Variants in TRPM7 observed in about 807,000 individuals in gnomAD.
TRPM7 encodes LTRPC ion channel family member 7.
A neutral mutation model predicts 229.7 loss-of-function variants in TRPM7; 134 were observed. The observed-to-expected ratio is 0.58, with a 90% confidence interval of 0.51 to 0.67. The LOEUF (loss-of-function observed/expected upper bound fraction) is 0.67, where lower values mean the gene tolerates loss of function less well. TRPM7 is among the 30% of genes least tolerant of loss of function. The pLI is 0.00. For synonymous variants in TRPM7, 699 were observed against 715.2 expected, an observed-to-expected ratio of 0.98 and a Z score of 0.36; for missense variants, 1,901 against 2,210.0, an observed-to-expected ratio of 0.86 and a Z score of 2.80.
At chr15:50,681,208 G>A (rs2062233537) in intron 1 of TRPM7, among the ~76,000 whole-genome samples, 1 of 151,678 alleles carries the variant, frequency 6.6e-6, no homozygotes. Context: ...CCAAGATCAC[G>A]CCACTGCACT....
In TRPM7 at chr15:50,569,995, T is replaced by A; in HGVS notation, c.5361-2A>T. 1 of 1,602,902 alleles carries A rather than the reference T, an allele frequency of 6.2e-7. No homozygotes were observed. Among genetic ancestry groups the A allele is most frequent in the Non-Finnish European group, 8.5e-7 (1 of 1,175,634 alleles). ...GGGCCAAAAACCATATCACAGGATC[T>A]GTAGAATTGGTAATTTTAAAAAAAA... On this transcript the variant is annotated splice_acceptor_variant, in intron 37 of 38. Coordinates refer to ENST00000646667, the MANE Select transcript of TRPM7 (RefSeq NM_017672.6). LOFTEE classifies it high-confidence loss of function.
chr15:50,617,729 G>C (rs2060267684), intron 13 of TRPM7, among the ~76,000 whole-genome samples: 2 of 152,036 alleles, frequency 1.3e-5, no homozygotes, highest in Non-Finnish European at 2.9e-5. Context: ...GCTCACTGCA[G>C]CCTCAACTCC....
At position 50,611,169 on chromosome 15, in the gene TRPM7, G is replaced by A. The variant is rs1431230784; in HGVS notation, c.2204C>T (p.Ala735Val). 1.1e-5 allele frequency: 18 copies of A among 1,613,828 alleles called. No individual in the cohort carries two copies. The highest frequency in any genetic ancestry group is 1.4e-5 in the Non-Finnish European group (17 of 1,179,940). Residue 735 changes from alanine to valine, a missense_variant, in exon 17 of 39, where the codon GCT becomes GTT. By Grantham distance (64) the Ala-to-Val change is moderately conservative (BLOSUM62 0). Transcript: ENST00000646667. ...AVSSRLRPFV[A>V]HTCTQMLLSD... ...TAACAACATTTGTGTACAGGTGTGAGCTACAAAAGGTCTAAGTCTTGAAGA... is the reference window on the plus strand; with the variant it reads ...TAACAACATTTGTGTACAGGTGTGAACTACAAAAGGTCTAAGTCTTGAAGA...
intron 26 of TRPM7, 33 bp downstream of exon 26, chr15:50,591,878 A>G: frequency 7.2e-7 from 1 of 1,393,268 alleles, no homozygotes; most frequent in Non-Finnish European, 9.8e-7. Flanking sequence ...AGTAAATAAT[A>G]TTGATATACA....
At chr15:50,623,489 C>A (rs57090995) in intron 12 of TRPM7, among the ~76,000 whole-genome samples, 1 of 113,242 alleles carries the variant, frequency 8.8e-6, no homozygotes, top group Non-Finnish European at 2.0e-5. Flanking sequence ...GCTGCCCCGC[C>A]CCCTCCCCGC....
intron 38 of TRPM7, among the ~76,000 whole-genome samples, chr15:50,565,541 G>C (rs2053560861): frequency 6.6e-6 from 1 of 152,076 alleles, no homozygotes; most frequent in South Asian, 2.1e-4. Flanking sequence ...TCGCCAAGAA[G>C]ACATTAACAA....
intron 28 of TRPM7, among the ~76,000 whole-genome samples, chr15:50,583,593 T>TTTTA (rs2054536064): frequency 1.3e-5 from 2 of 151,678 alleles, no homozygotes; most frequent in African/African-American, 2.4e-5. Flanking sequence ...TTTTTTTTTT[T>TTTTA]GAGACAGAGT....
chr15:50,607,419 A>G (rs11636964), intron 19 of TRPM7, 91 bp from the exon 20 acceptor site: 421,935 of 1,076,326 alleles, frequency 0.39, 86,792 homozygotes, highest in Admixed American at 0.49. Flanking sequence ...AAAAACAGAC[A>G]TTAAATGAAC....
At chr15:50,613,973 G>A in intron 14 of TRPM7, 132 bp from the exon 15 acceptor site, 2 of 1,353,328 alleles carry the variant, frequency 1.5e-6, no homozygotes, top group East Asian at 4.7e-5. Context: ...TTAGGATTTT[G>A]ACGACATAAT....
At chr15:50,591,373 G>A (rs1014581038) in intron 26 of TRPM7, among the ~76,000 whole-genome samples, 2 of 152,090 alleles carry the variant, frequency 1.3e-5, no homozygotes, top group Non-Finnish European at 2.9e-5. Context: ...AAGAGTTGAT[G>A]AAACCCAATT....
chr15:50,678,098 G>A (rs771518634), intron 1 of TRPM7, among the ~76,000 whole-genome samples: 25 of 151,564 alleles, frequency 1.6e-4, no homozygotes, highest in Non-Finnish European at 3.1e-4. Context: ...AAAATCAGCC[G>A]GGCGTGGTGG....
intron 13 of TRPM7, among the ~76,000 whole-genome samples, chr15:50,614,633 C>A (rs932372684): frequency 4.1e-5 from 6 of 145,624 alleles, no homozygotes; most frequent in Non-Finnish European, 3.0e-5. Flanking sequence ...CCACTGCACT[C>A]CAGCCTGGGA....
chr15:50,618,735 T>G (rs1372217618), intron 13 of TRPM7, among the ~76,000 whole-genome samples: 1 of 152,118 alleles, frequency 6.6e-6, no homozygotes, highest in African/African-American at 2.4e-5. Flanking sequence ...CAGTGAATAG[T>G]GTACCCACAG....
rs59579538 is a variant in TRPM7, at chr15:50,650,192, CAAAAAAAAAAAAAAA to C, written c.123-1322_123-1308del. Reference sequence around the variant, plus strand: ...TGGGTGAAAGAGTGAGACTTTGTCTCAAAAAAAAAAAAAAAAAAAAAAAAAAAAAGAATAACTACT... The same window carrying C: ...TGGGTGAAAGAGTGAGACTTTGTCTCAAAAAAAAAAAAAAGAATAACTACT... On this transcript the variant is annotated intron_variant, in intron 3 of 38. Coordinates refer to ENST00000646667, the MANE Select transcript of TRPM7 (RefSeq NM_017672.6). Among the ~76,000 whole-genome samples, 19 of 62,292 alleles carry C rather than the reference CAAAAAAAAAAAAAAA, an allele frequency of 3.1e-4. 1 individual carries two copies. The highest frequency in any genetic ancestry group is 9.3e-4 in the African/African-American group (13 of 13,922). 40.9% of individuals were successfully genotyped at this position (62,292 alleles called of 152,430 possible).
chr15:50,649,037 A>G lies in TRPM7; in HGVS notation c.123-152T>C, dbSNP rs2140836390. 2 of 505,102 alleles carry G rather than the reference A, an allele frequency of 4.0e-6. 1 individual carries two copies. The highest frequency in any genetic ancestry group is 8.1e-5 in the South Asian group (2 of 24,840). The allele number at this position is 505,102 out of a possible 1,614,324, so 31.3% of individuals were successfully genotyped here. A position where few individuals can be genotyped will look rare whatever the true frequency, so the allele number is the denominator to read the frequency against. ...TAAGCTTTTTGATTTTAGGATATCT[A>G]TATATTAATACCTTCATCATAGCAC... On this transcript the variant is annotated intron_variant, in intron 3 of 38. Coordinates refer to ENST00000646667, the MANE Select transcript of TRPM7 (RefSeq NM_017672.6).
Position 50,594,440 on chromosome 15 carries a change from G to T in TRPM7, c.3464C>A (p.Ser1155Tyr). ...ICKRRKKDKTSDGPKLFLTEE... is the reference protein window; with the variant it reads ...ICKRRKKDKTYDGPKLFLTEE... Reference sequence around the variant, plus strand: ...TATAGTTTACTTACTTGGTCCATCGGAAGTCTTATCTTTCTTTCTTCTCTT... The same window carrying T: ...TATAGTTTACTTACTTGGTCCATCGTAAGTCTTATCTTTCTTTCTTCTCTT... The change falls in exon 24 of 39, where the codon TCC becomes TAC. Residue 1155 changes from serine (S) to tyrosine (Y), a missense_variant. Around this residue, in one of 8 missense-constraint regions of TRPM7, gnomAD observed 533 missense variants for 497.1 expected, o/e 1.07. Transcript: ENST00000646667. The T allele has an allele frequency of 6.2e-7, 1 of 1,609,566 alleles. No individual in the cohort carries two copies. The highest frequency in any genetic ancestry group is 8.5e-7 in the Non-Finnish European group (1 of 1,178,652).
At chr15:50,577,411 G>A (rs1178853852) in intron 31 of TRPM7, among the ~76,000 whole-genome samples, 1 of 152,108 alleles carries the variant, frequency 6.6e-6, no homozygotes, top group Non-Finnish European at 1.5e-5. Flanking sequence ...GCCGGATGTG[G>A]TGGTGCATGC....
At chr15:50,623,161 C>T (rs1160292000) in intron 12 of TRPM7, among the ~76,000 whole-genome samples, 1 of 152,076 alleles carries the variant, frequency 6.6e-6, no homozygotes. Context: ...CGCCTGTAAT[C>T]CCAGTGCTTT....
chr15:50,588,547 C>T (rs1566962859), intron 27 of TRPM7, among the ~76,000 whole-genome samples: 1 of 152,144 alleles, frequency 6.6e-6, no homozygotes, highest in Non-Finnish European at 1.5e-5. Context: ...TCACCTGGAT[C>T]ACATAAAAAG....
Sources: allele counts gnomAD v4.1 joint callset (sites outside exome capture counted in the v4.1 genomes callset), GRCh38; gene constraint gnomAD v4.1.1; regional missense constraint gnomAD v4.1.1; transcripts MANE v1.5; gene names NCBI Gene and HGNC (gene_info 2026-07-23, HGNC 2026-07-21).